The following XYLT1 variants were observed in gnomAD, a reference collection of about 807,000 sequenced individuals.
XYLT1 encodes the protein beta-D-xylosyltransferase 1.
XYLT1 carries 36 observed loss-of-function variants against 91.3 expected under a neutral mutation model. The ratio of observed to expected loss-of-function variants is 0.39; its 90% CI spans 0.30 to 0.52. The LOEUF is 0.52. XYLT1 is among the 20% of genes least tolerant of loss of function. XYLT1 has a pLI of 0.68. For synonymous variants in XYLT1, 588 were observed against 532.0 expected, an observed-to-expected ratio of 1.11 and a Z score of -1.45; for missense variants, 1,242 against 1,284.5, an observed-to-expected ratio of 0.97 and a Z score of 0.51.
chr16:17,467,105 A>G (rs913036806), intron 1 of XYLT1, among the ~76,000 whole-genome samples: 6 of 152,214 alleles, frequency 3.9e-5, no homozygotes, highest in Non-Finnish European at 7.3e-5. Flanking sequence ...TCAACATTTC[A>G]AAGGCGTCGG....
At chr16:17,431,066 A>G (rs1034354268) in intron 1 of XYLT1, among the ~76,000 whole-genome samples, 1 of 152,238 alleles carries the variant, frequency 6.6e-6, no homozygotes, top group Non-Finnish European at 1.5e-5. Context: ...GTAAAGATCC[A>G]GGAATACACA....
chr16:17,417,473 CT>C (rs1567196038), intron 1 of XYLT1, among the ~76,000 whole-genome samples: 1 of 152,090 alleles, frequency 6.6e-6, no homozygotes, highest in Non-Finnish European at 1.5e-5. Context: ...GTTAACGCGA[CT>C]TAACCTTCCC....
intron 1 of XYLT1, among the ~76,000 whole-genome samples, chr16:17,434,793 A>G (rs2036434070): frequency 1.3e-5 from 2 of 152,092 alleles, no homozygotes; most frequent in South Asian, 4.1e-4. Context: ...TCTTCAGTTC[A>G]GGAGTTCAGG....
At chr16:17,379,726 A>ATCTC (rs1491519902) in intron 1 of XYLT1, among the ~76,000 whole-genome samples, 6 of 122,200 alleles carry the variant, frequency 4.9e-5, no homozygotes, top group African/African-American at 1.7e-4. Flanking sequence ...GAAATGAAGG[A>ATCTC]TATCTCTCTC....
At chr16:17,329,472 TTATC>T (rs1447016422) in intron 2 of XYLT1, among the ~76,000 whole-genome samples, 1 of 152,240 alleles carries the variant, frequency 6.6e-6, no homozygotes, top group Non-Finnish European at 1.5e-5. Context: ...TCTTAGTTCT[TTATC>T]TATACGGGTC....
chr16:17,454,781 C>T (rs1336733826), intron 1 of XYLT1, among the ~76,000 whole-genome samples: 1 of 151,858 alleles, frequency 6.6e-6, no homozygotes, highest in East Asian at 1.9e-4. Context: ...CCCAAGTGAC[C>T]CACCCACCTC....
rs373857638 is a variant in XYLT1 at position 17,351,023 on chromosome 16, A to T, written c.402+6989T>A. Among the ~76,000 whole-genome samples, 361 of 151,300 alleles carry T rather than the reference A, an allele frequency of 2.4e-3. 4 individuals carry two copies. Among genetic ancestry groups the T allele is most frequent in the South Asian group, 0.014 (65 of 4,762 alleles). On this transcript the variant is annotated intron_variant, in intron 2 of 11. Transcript: ENST00000261381. The stretch of plus-strand genomic sequence containing the variant: ...CAAGTAGCTGGATTAAGAAAAAAAA[A>T]TTTTTTTTTTAACTCTGCACATTCT...
intron 1 of XYLT1, among the ~76,000 whole-genome samples, chr16:17,414,734 T>A (rs1204411175): frequency 6.6e-6 from 1 of 151,762 alleles, no homozygotes; most frequent in Non-Finnish European, 1.5e-5. Context: ...GCAGCCTGGG[T>A]TTGCTTGAAG....
chr16:17,444,099 T>G (rs891773430), intron 1 of XYLT1, among the ~76,000 whole-genome samples: 1 of 152,156 alleles, frequency 6.6e-6, no homozygotes, highest in African/African-American at 2.4e-5. Flanking sequence ...GCTGGAAATC[T>G]GTTTCCTCAG....
chr16:17,306,927 C>T (rs1021048169), intron 2 of XYLT1, among the ~76,000 whole-genome samples: 3 of 152,146 alleles, frequency 2.0e-5, no homozygotes, highest in Non-Finnish European at 2.9e-5. Flanking sequence ...CAAGGTCACA[C>T]AGCTAGAGTG....
chr16:17,155,534 G>A (rs185018668), intron 6 of XYLT1, among the ~76,000 whole-genome samples: 57 of 152,264 alleles, frequency 3.7e-4, no homozygotes, highest in African/African-American at 1.3e-3. Flanking sequence ...AGCAAGCCAC[G>A]CCCAGCTCTG....
intron 1 of XYLT1, among the ~76,000 whole-genome samples, chr16:17,382,906 T>A (rs748310337): frequency 6.6e-6 from 1 of 151,814 alleles, no homozygotes; most frequent in Non-Finnish European, 1.5e-5. Context: ...TGAAGCAACA[T>A]ACTCAAGGTC....
At chr16:17,323,701 T>G (rs1480732466) in intron 2 of XYLT1, among the ~76,000 whole-genome samples, 1 of 152,134 alleles carries the variant, frequency 6.6e-6, no homozygotes, top group Non-Finnish European at 1.5e-5. Context: ...CTTGCTCCTG[T>G]TCACTGGCAA....
rs546078171 is a variant in XYLT1, at chr16:17,116,483, A to T, written c.2557+1163T>A. The stretch of plus-strand genomic sequence containing the variant: ...CCTCAACACTATGTTTTAGGGACTC[A>T]TCCAAGCCAACACATGCCCATGCTT... On this transcript the variant is annotated intron_variant, in intron 11 of 11. Transcript: ENST00000261381. Among the ~76,000 whole-genome samples the T allele has an allele frequency of 5.9e-5, 9 of 152,326 alleles. No individual in the cohort carries two copies. The East Asian group carries it at 1.7e-3, about 29-fold the overall frequency.
intron 2 of XYLT1, among the ~76,000 whole-genome samples, chr16:17,304,786 C>A (rs543300206): frequency 1.3e-3 from 193 of 152,284 alleles, no homozygotes; most frequent in Admixed American, 4.0e-3. Flanking sequence ...CCTATTTTCT[C>A]TGAATACTCT....
Position 17,470,646 on chromosome 16 carries a change from C to T in XYLT1, c.151G>A (p.Val51Ile). 1 of 1,117,442 alleles carries T rather than the reference C, an allele frequency of 8.9e-7. No individual in the cohort carries two copies. The highest frequency in any genetic ancestry group is 1.1e-6 in the Non-Finnish European group (1 of 904,668). 69.2% of individuals were successfully genotyped at this position (1,117,442 alleles called of 1,614,324 possible). A position where few individuals can be genotyped will look rare whatever the true frequency, so the allele number is the denominator to read the frequency against. ...GGGGGCGGCTGCTCCCCGCCGCCGA[C>T]CGCTGCGCCCCCGCGGCGCTCCCCG... ...GAGERRGGAA[V>I]GGGEQPPPAP... Residue 51 changes from valine (V) to isoleucine (I), a missense_variant, in exon 1 of 12, where the codon GTC (valine) becomes ATC (isoleucine). Around this residue, in one of 3 missense-constraint regions of XYLT1, gnomAD observed 437 missense variants for 411.5 expected, o/e 1.06. Transcript: ENST00000261381.
intron 9 of XYLT1, among the ~76,000 whole-genome samples, chr16:17,131,437 T>G (rs1012961724): frequency 6.6e-6 from 1 of 152,246 alleles, no homozygotes; most frequent in Non-Finnish European, 1.5e-5. Context: ...GAGATTTGGT[T>G]GGCAACTCCA....
At chr16:17,172,118 C>T (rs1301516740) in intron 5 of XYLT1, among the ~76,000 whole-genome samples, 1 of 152,200 alleles carries the variant, frequency 6.6e-6, no homozygotes, top group Non-Finnish European at 1.5e-5. Context: ...ACTCGGTGTA[C>T]AGTAAATACT....
In XYLT1 at chr16:17,107,816, A is replaced by T. The variant is rs2141474909; in HGVS notation, c.*879T>A. ...CCATTTTCAAGGATCAAAGAAGGTC[A>T]TGGTCTTGAGTCTGGTGCTCACAAA... On this transcript the variant is annotated 3_prime_UTR_variant, in exon 12 of 12. Transcript: ENST00000261381. 6.5e-6 allele frequency: 1 copy of T among 152,776 alleles called. No homozygotes were observed. Among genetic ancestry groups the T allele is most frequent in the Middle Eastern group, 3.4e-3 (1 of 294 alleles). The allele number at this position is 152,776 out of a possible 1,614,324, so 9.5% of individuals were successfully genotyped here. A position where few individuals can be genotyped will look rare whatever the true frequency, so the allele number is the denominator to read the frequency against.
Sources: allele counts gnomAD v4.1 joint callset (sites outside exome capture counted in the v4.1 genomes callset), GRCh38; gene constraint gnomAD v4.1.1; regional missense constraint gnomAD v4.1.1; transcripts MANE v1.5; gene names NCBI Gene and HGNC (gene_info 2026-07-23, HGNC 2026-07-21).